MYO5B: variants seen among roughly 807,000 people sequenced by gnomAD.
The protein encoded by MYO5B is myosin VB.
MYO5B carries 143 observed loss-of-function variants against 229.3 expected under a neutral mutation model. The ratio of observed to expected loss-of-function variants is 0.62; its 90% CI spans 0.54 to 0.72. MYO5B has a LOEUF of 0.72. MYO5B is among the 30% of genes least tolerant of loss of function. The pLI, the probability that MYO5B is intolerant of heterozygous loss-of-function variation, is 0.00. For synonymous variants in MYO5B, 918 were observed against 885.2 expected (o/e 1.04, Z -0.66); for missense variants, 2,321 against 2,331.0 (o/e 1.00, Z 0.09).
chr18:50,130,178 G>T (rs2032231839), intron 1 of MYO5B, among the ~76,000 whole-genome samples: 1 of 152,214 alleles, frequency 6.6e-6, no homozygotes, highest in Admixed American at 6.5e-5. Context: ...ATCCAATTAA[G>T]AAATGTTGGT....
chr18:49,999,393 GGGCCGT>G (rs2026022458), intron 5 of MYO5B, among the ~76,000 whole-genome samples: 1 of 152,374 alleles, frequency 6.6e-6, no homozygotes, highest in Admixed American at 6.5e-5. Flanking sequence ...CTTCCGACCT[GGGCCGT>G]GGCCATGCCT....
chr18:50,109,383 A>T (rs2031822034), intron 1 of MYO5B, among the ~76,000 whole-genome samples: 1 of 151,960 alleles, frequency 6.6e-6, no homozygotes, highest in African/African-American at 2.4e-5. Flanking sequence ...TCTGTCACCA[A>T]CTTGTCAATC....
intron 1 of MYO5B, among the ~76,000 whole-genome samples, chr18:50,133,140 GGAGT>G (rs1304329973): frequency 6.6e-6 from 1 of 152,186 alleles, no homozygotes; most frequent in Non-Finnish European, 1.5e-5. Context: ...TCAATGAGGA[GGAGT>G]GAGTCTCAAG....
At chr18:50,189,264 G>A (rs926818801) in intron 1 of MYO5B, among the ~76,000 whole-genome samples, 4 of 152,138 alleles carry the variant, frequency 2.6e-5, no homozygotes, top group Non-Finnish European at 4.4e-5. Context: ...AGTGTTTTCC[G>A]GAAAAGACTG....
rs1268666543 is a variant in MYO5B at position 49,825,070 on chromosome 18, TC to T, written c.*1400del. ...GTTCTACTTCCAATTCATGGATAAATCTTATTTTCTCAATGTAATACAGAGG... is the reference window on the plus strand; with the variant it reads ...GTTCTACTTCCAATTCATGGATAAATTTATTTTCTCAATGTAATACAGAGG... On this transcript the variant is annotated 3_prime_UTR_variant, in exon 40 of 40. Transcript: ENST00000285039. 13 of 152,356 alleles carry T rather than the reference TC, an allele frequency of 8.5e-5. No individual in the cohort carries two copies. Among genetic ancestry groups the T allele is most frequent in the Non-Finnish European group, 1.6e-4 (11 of 68,030 alleles). 9.4% of individuals were successfully genotyped at this position (152,356 alleles called of 1,614,324 possible).
chr18:50,003,837 C>G (rs188343750), intron 4 of MYO5B, among the ~76,000 whole-genome samples: 1 of 152,192 alleles, frequency 6.6e-6, no homozygotes, highest in Non-Finnish European at 1.5e-5. Context: ...GAAGTATATA[C>G]TATCCCAAGT....
intron 29 of MYO5B, among the ~76,000 whole-genome samples, chr18:49,862,573 C>CT (rs1428624654): frequency 6.6e-6 from 1 of 152,240 alleles, no homozygotes; most frequent in African/African-American, 2.4e-5. Context: ...CCTTCTCAGA[C>CT]ACTCTGCCTT....
At chr18:49,998,776 A>G (rs1036851902) in intron 5 of MYO5B, among the ~76,000 whole-genome samples, 4 of 152,218 alleles carry the variant, frequency 2.6e-5, no homozygotes, top group Non-Finnish European at 4.4e-5. Context: ...AAGGACTAGT[A>G]TATGATTCCA....
At chr18:50,077,168 TAAAAAAAAAA>T (rs71169476) in intron 1 of MYO5B, among the ~76,000 whole-genome samples, 42 of 81,234 alleles carry the variant, frequency 5.2e-4, no homozygotes, top group African/African-American at 1.5e-3. Context: ...TGTGGCAAAG[TAAAAAAAAAA>T]AAAAAAAAAA....
chr18:49,905,732 A>G (rs769169878), intron 19 of MYO5B, among the ~76,000 whole-genome samples: 2 of 151,988 alleles, frequency 1.3e-5, no homozygotes, highest in Non-Finnish European at 2.9e-5. Context: ...AAACCTAACA[A>G]CCGAGGGTAG....
intron 1 of MYO5B, among the ~76,000 whole-genome samples, chr18:50,120,623 C>T (rs960542755): frequency 6.6e-6 from 1 of 152,208 alleles, no homozygotes; most frequent in Admixed American, 6.5e-5. Flanking sequence ...GGGTCCCAGC[C>T]TGGCCCTTCT....
chr18:50,154,962 G>A (rs117529042), intron 1 of MYO5B, among the ~76,000 whole-genome samples: 1 of 152,196 alleles, frequency 6.6e-6, no homozygotes, highest in Non-Finnish European at 1.5e-5. Context: ...TATTTTTCAT[G>A]TTACACAAGG....
chr18:50,004,571 T>A (rs2026080952), intron 4 of MYO5B, among the ~76,000 whole-genome samples: 1 of 152,232 alleles, frequency 6.6e-6, no homozygotes, highest in South Asian at 2.1e-4. Flanking sequence ...GATTTTTACT[T>A]AGCTTTATTG....
At chr18:50,048,811 T>C (rs2030311563) in intron 2 of MYO5B, among the ~76,000 whole-genome samples, 1 of 152,060 alleles carries the variant, frequency 6.6e-6, no homozygotes, top group Non-Finnish European at 1.5e-5. Flanking sequence ...TCACCTGAGC[T>C]CAGGAGTTCG....
At position 50,129,560 on chromosome 18, in the gene MYO5B, G is replaced by A. The variant is rs148514148; in HGVS notation, c.27+65207C>T. On this transcript the variant is annotated intron_variant, in intron 1 of 39. Transcript: ENST00000285039. ...TGTACTTACAGACACCTCACCATAC[G>A]CCAGCCCATTTCCTAGAGCCTTTCT... Among the ~76,000 whole-genome samples the A allele has an allele frequency of 5.9e-5, 9 of 152,202 alleles. No individual in the cohort carries two copies. In the East Asian group the frequency reaches 7.7e-4, roughly 13 times the overall value.
At chr18:50,020,168 A>G (rs1386642911) in intron 4 of MYO5B, among the ~76,000 whole-genome samples, 1 of 152,224 alleles carries the variant, frequency 6.6e-6, no homozygotes, top group Non-Finnish European at 1.5e-5. Context: ...AGCTCACAGC[A>G]TACATTGCAG....
chr18:50,195,067 G>C lies in MYO5B; in HGVS notation c.-274C>G, dbSNP rs2033284856. On this transcript the variant is annotated 5_prime_UTR_variant, in exon 1 of 40. Coordinates refer to ENST00000285039, the MANE Select transcript of MYO5B (RefSeq NM_001080467.3). The stretch of plus-strand genomic sequence containing the variant: ...CCGCGCCGCACCACTCCCCTCCCAG[G>C]TGTGGGGAGGAGGCGAGGGCCGGCG... 1 of 318,272 alleles carries C rather than the reference G, an allele frequency of 3.1e-6. No individual in the cohort carries two copies. The highest frequency in any genetic ancestry group is 5.1e-5 in the Admixed American group (1 of 19,632). The allele number at this position is 318,272 out of a possible 1,614,324, so 19.7% of individuals were successfully genotyped here.
chr18:50,069,348 A>C (rs1174396091), intron 1 of MYO5B, among the ~76,000 whole-genome samples: 1 of 152,184 alleles, frequency 6.6e-6, no homozygotes, highest in Non-Finnish European at 1.5e-5. Flanking sequence ...GAAGAACAGC[A>C]TCATGTCAGG....
At chr18:50,120,788 T>C (rs1398630464) in intron 1 of MYO5B, among the ~76,000 whole-genome samples, 3 of 152,204 alleles carry the variant, frequency 2.0e-5, no homozygotes, top group Non-Finnish European at 4.4e-5. Flanking sequence ...CCATTCTTAA[T>C]GTACACCCCC....
Sources: allele counts gnomAD v4.1 joint callset (sites outside exome capture counted in the v4.1 genomes callset), GRCh38; gene constraint gnomAD v4.1.1; transcripts MANE v1.5; gene names NCBI Gene and HGNC (gene_info 2026-07-23, HGNC 2026-07-21).